EPHA6: variants seen among roughly 807,000 people sequenced by gnomAD.
The protein encoded by EPHA6 is ephrin type-A receptor 6.
Under a neutral mutation model 112.0 loss-of-function variants are expected in EPHA6, and 50 were observed. That is an observed-to-expected ratio of 0.45 (90% CI 0.36 to 0.56). The LOEUF (loss-of-function observed/expected upper bound fraction) is 0.56, where lower values mean the gene tolerates loss of function less well. Among genes scored for constraint, EPHA6 ranks in the 20% least tolerant of loss-of-function variants. The pLI is 0.00. For missense variants in EPHA6, 1,280 were observed against 1,417.4 expected (o/e 0.90, Z 1.56); for synonymous variants, 529 against 490.7 (o/e 1.08, Z -1.03).
chr3:96,821,085 C>A (rs2107218671), intron 1 of EPHA6, among the ~76,000 whole-genome samples: 1 of 151,854 alleles, frequency 6.6e-6, no homozygotes, highest in South Asian at 2.1e-4. Flanking sequence ...AATGAGATTT[C>A]AGGATATGTG....
intron 6 of EPHA6, among the ~76,000 whole-genome samples, chr3:97,414,703 T>C (rs1312785237): frequency 1.3e-5 from 2 of 152,066 alleles, no homozygotes; most frequent in African/African-American, 4.8e-5. Flanking sequence ...TGACCAGATA[T>C]AATTTTTGCC....
At chr3:96,816,619 A>C (rs1298021547) in intron 1 of EPHA6, among the ~76,000 whole-genome samples, 1 of 152,118 alleles carries the variant, frequency 6.6e-6, no homozygotes, top group Non-Finnish European at 1.5e-5. Flanking sequence ...AGTCAAGTGT[A>C]CTAGAAGTTT....
intron 5 of EPHA6, among the ~76,000 whole-genome samples, chr3:97,403,108 G>A (rs752819068): frequency 2.6e-5 from 4 of 151,506 alleles, no homozygotes; most frequent in Admixed American, 1.3e-4. Flanking sequence ...TTCTCCCTCA[G>A]GAGGAAAAAA....
At chr3:97,155,296 C>A (rs1485711652) in intron 3 of EPHA6, among the ~76,000 whole-genome samples, 4 of 152,088 alleles carry the variant, frequency 2.6e-5, no homozygotes, top group African/African-American at 9.7e-5. Flanking sequence ...GGATTCTGTT[C>A]TTTTGCCGTA....
At chr3:97,303,127 A>G (rs1276843030) in intron 5 of EPHA6, among the ~76,000 whole-genome samples, 1 of 152,018 alleles carries the variant, frequency 6.6e-6, no homozygotes, top group Non-Finnish European at 1.5e-5. Context: ...TCTAAAAAGT[A>G]GAATCATTTC....
At chr3:97,514,970 G>A (rs1490289800) in intron 10 of EPHA6, among the ~76,000 whole-genome samples, 1 of 152,170 alleles carries the variant, frequency 6.6e-6, no homozygotes, top group East Asian at 1.9e-4. Flanking sequence ...ATGGCAGCCT[G>A]AGCAGACTAA....
At chr3:97,719,324 G>A (rs1381918717) in intron 14 of EPHA6, among the ~76,000 whole-genome samples, 1 of 151,858 alleles carries the variant, frequency 6.6e-6, no homozygotes, top group Non-Finnish European at 1.5e-5. Context: ...AATAATTTTT[G>A]TTATGAACCT....
At chr3:96,986,826 T>C (rs897731570) in intron 2 of EPHA6, among the ~76,000 whole-genome samples, 2 of 152,176 alleles carry the variant, frequency 1.3e-5, no homozygotes, top group Non-Finnish European at 2.9e-5. Context: ...ATTGAAGTAG[T>C]CATATAAATA....
chr3:97,479,391 T>C (rs1336354489), intron 9 of EPHA6, 27 bp downstream of exon 9: 17 of 1,531,432 alleles, frequency 1.1e-5, no homozygotes, highest in Non-Finnish European at 1.3e-5. Context: ...CTTTCTTTCA[T>C]TATTTTGTAC....
intron 3 of EPHA6, among the ~76,000 whole-genome samples, chr3:97,049,596 T>G (rs566972976): frequency 2.6e-5 from 4 of 152,168 alleles, no homozygotes; most frequent in Non-Finnish European, 5.9e-5. Flanking sequence ...AATGTAAGTC[T>G]TAGTGAATTT....
chr3:96,878,717 C>T (rs1054649983), intron 2 of EPHA6, among the ~76,000 whole-genome samples: 1 of 151,926 alleles, frequency 6.6e-6, no homozygotes, highest in African/African-American at 2.4e-5. Flanking sequence ...CCAACAAGGC[C>T]GTCTTCCTTA....
Position 97,592,723 on chromosome 3 carries a change from C to T in EPHA6, c.2498C>T (p.Pro833Leu), listed in dbSNP as rs2093556667. Residue 833 changes from proline (P) to leucine (L), a missense_variant, in exon 12 of 18, where the codon CCC becomes CTC. Physicochemically the swap from Pro to Leu is moderately conservative, Grantham distance 98. Transcript: ENST00000389672. Reference sequence around the variant, plus strand: ...GTGCCAGGGGGAGGATCTTTGCCCCCCAGGATTCCTGCTGGTAGGTATTTC... The same window carrying T: ...GTGCCAGGGGGAGGATCTTTGCCCCTCAGGATTCCTGCTGGTAGGTATTTC... ...HPVPGGGSLP[P>L]RIPAGRPVMI... 1 of 1,596,416 alleles carries T rather than the reference C, an allele frequency of 6.3e-7. No individual in the cohort carries two copies. Among genetic ancestry groups the T allele is most frequent in the South Asian group, 1.1e-5 (1 of 88,116 alleles).
Position 97,244,125 on chromosome 3 carries a change from T to A in EPHA6, c.1444T>A (p.Phe482Ile), listed in dbSNP as rs534785975. Residue 482 changes from phenylalanine (F) to isoleucine (I), a missense_variant, in exon 5 of 18, where the codon TTC becomes ATC. By Grantham distance (21) the Phe-to-Ile change is conservative. Around this residue, in one of 4 missense-constraint regions of EPHA6, gnomAD observed 878 missense variants for 999.7 expected, o/e 0.88. Coordinates refer to ENST00000389672, the MANE Select transcript of EPHA6 (RefSeq NM_001080448.3). The stretch of plus-strand genomic sequence containing the variant: ...TGAGGACTGTGGTGGAGGACTCCGC[T>A]TCATCCCAAGACATACAGGCCTGAT... Reference protein sequence around the residue: ...QCEDCGGGLRFIPRHTGLINN... With the variant: ...QCEDCGGGLRIIPRHTGLINN... 1.9e-6 allele frequency: 3 copies of A among 1,613,106 alleles called. No homozygotes were observed. In the East Asian group the frequency reaches 6.7e-5, roughly 36 times the overall value.
chr3:96,911,725 T>C (rs930170581), intron 2 of EPHA6, among the ~76,000 whole-genome samples: 8 of 152,064 alleles, frequency 5.3e-5, no homozygotes, highest in Non-Finnish European at 1.0e-4. Flanking sequence ...TGGTAATACT[T>C]TGTCATTTAA....
intron 3 of EPHA6, among the ~76,000 whole-genome samples, chr3:97,003,577 A>G (rs1184842849): frequency 6.6e-6 from 1 of 152,204 alleles, no homozygotes; most frequent in East Asian, 1.9e-4. Context: ...CTTGTAGGAT[A>G]CAAATTAGGA....
intron 1 of EPHA6, among the ~76,000 whole-genome samples, chr3:96,856,471 T>G (rs1239118247): frequency 6.6e-6 from 1 of 152,204 alleles, no homozygotes; most frequent in Non-Finnish European, 1.5e-5. Context: ...CAGATAGAAC[T>G]ATTTTTCTTT....
intron 5 of EPHA6, among the ~76,000 whole-genome samples, chr3:97,343,543 G>T (rs188352639): frequency 2.0e-5 from 3 of 152,238 alleles, no homozygotes; most frequent in Admixed American, 1.3e-4. Context: ...AAAACTAAGG[G>T]TATGGCAAAC....
chr3:97,390,876 A>T (rs2086358588), intron 5 of EPHA6, among the ~76,000 whole-genome samples: 2 of 152,078 alleles, frequency 1.3e-5, no homozygotes, highest in South Asian at 4.1e-4. Flanking sequence ...TTCAACCAAC[A>T]ATCAAATCAT....
intron 3 of EPHA6, among the ~76,000 whole-genome samples, chr3:97,183,396 T>G (rs1242037920): frequency 6.6e-6 from 1 of 152,184 alleles, no homozygotes; most frequent in Non-Finnish European, 1.5e-5. Context: ...GATAATGTGA[T>G]AGATTGGACA....
Sources: allele counts gnomAD v4.1 joint callset (sites outside exome capture counted in the v4.1 genomes callset), GRCh38; gene constraint gnomAD v4.1.1; regional missense constraint gnomAD v4.1.1; transcripts MANE v1.5; gene names NCBI Gene and HGNC (gene_info 2026-07-23, HGNC 2026-07-21).